The following LIMA1 variants were observed in gnomAD, a reference collection of about 807,000 sequenced individuals.
LIMA1 encodes the protein LIM domain and actin-binding protein 1.
In LIMA1, 52 loss-of-function variants were observed where a neutral mutation model predicts 62.6. The ratio of observed to expected loss-of-function variants is 0.83; its 90% CI spans 0.67 to 1.05. The LOEUF (loss-of-function observed/expected upper bound fraction) is 1.05. Among genes scored for constraint, LIMA1 ranks in the 50% least tolerant of loss-of-function variants. The probability of loss-of-function intolerance (pLI) is 0.00; values close to 1 mark genes in which losing one functional copy is unlikely to be tolerated. For synonymous variants in LIMA1, 302 were observed against 317.8 expected (o/e 0.95, Z 0.53); for missense variants, 780 against 902.2 (o/e 0.86, Z 1.74).
intron 10 of LIMA1, among the ~76,000 whole-genome samples, chr12:50,180,505 G>A (rs768699624): frequency 1.3e-5 from 2 of 152,010 alleles, no homozygotes; most frequent in African/African-American, 4.8e-5. Flanking sequence ...GTCTCTCTAT[G>A]TTACCCAGGC....
chr12:50,279,496 A>C (rs924094090), intron 1 of LIMA1, among the ~76,000 whole-genome samples: 2 of 152,148 alleles, frequency 1.3e-5, no homozygotes, highest in Non-Finnish European at 2.9e-5. Context: ...GAAGTCATGG[A>C]AAGAAATCAG....
At chr12:50,203,303 T>C (rs939793443) in intron 6 of LIMA1, among the ~76,000 whole-genome samples, 2 of 151,890 alleles carry the variant, frequency 1.3e-5, no homozygotes, top group Non-Finnish European at 2.9e-5. Flanking sequence ...TGTGAGCTCC[T>C]GCGCCTGGCT....
At chr12:50,259,717 C>A (rs1400054125) in intron 1 of LIMA1, among the ~76,000 whole-genome samples, 1 of 152,194 alleles carries the variant, frequency 6.6e-6, no homozygotes, top group Non-Finnish European at 1.5e-5. Context: ...ATCACTGCTA[C>A]TGTTCTTGGA....
Position 50,177,863 on chromosome 12 carries a change from T to A in LIMA1, c.1481A>T (p.Glu494Val). The change falls in exon 11 of 11, where the codon GAA (glutamate) becomes GTA (valine). Residue 494 changes from glutamate to valine, a missense_variant. Glu to Val is a moderately radical substitution (Grantham distance 121, BLOSUM62 -2). Transcript: ENST00000341247. ...ARETPHSPGV[E>V]DAPIAKVGVL... ...ACCCACCTTAGCAATAGGGGCATCT[T>A]CTACCCCTGGGCTGTGAGGGGTCTC... 1 of 1,613,348 alleles carries A rather than the reference T, an allele frequency of 6.2e-7. No individual in the cohort carries two copies.
At chr12:50,242,349 T>C (rs539085692) in intron 2 of LIMA1, among the ~76,000 whole-genome samples, 1 of 151,866 alleles carries the variant, frequency 6.6e-6, no homozygotes, top group African/African-American at 2.4e-5. Context: ...AAACTAAATA[T>C]GAACGCTCTT....
At chr12:50,190,765 G>A (rs1317308022) in intron 9 of LIMA1, among the ~76,000 whole-genome samples, 6 of 128,994 alleles carry the variant, frequency 4.7e-5, no homozygotes, top group African/African-American at 1.5e-4. Flanking sequence ...ACATTCTTTC[G>A]TTAAAAATGT....
intron 6 of LIMA1, chr12:50,201,246 C>A (rs1941044061): frequency 9.7e-7 from 1 of 1,034,902 alleles, no homozygotes; most frequent in Non-Finnish European, 1.2e-6. Context: ...TCAGAAAAGA[C>A]CATTCTGGAG....
chr12:50,204,749 T>C lies in LIMA1; in HGVS notation c.716-49A>G, dbSNP rs1286560765. ...TTTATTTTATTTCTGAGATGGGGTC[T>C]CACTCTATCACCCAGGCTGAAGTGC... is the stretch of plus-strand genomic sequence containing the variant. On this transcript the variant is annotated intron_variant, in intron 5 of 10. Transcript: ENST00000341247. 3 of 1,573,998 alleles carry C rather than the reference T, an allele frequency of 1.9e-6. No individual in the cohort carries two copies. The Admixed American group carries it at 5.0e-5, about 26-fold the overall frequency.
chr12:50,223,309 C>T (rs752490285), intron 3 of LIMA1, among the ~76,000 whole-genome samples: 4 of 151,690 alleles, frequency 2.6e-5, no homozygotes, highest in Non-Finnish European at 5.9e-5. Context: ...ATGGAGAAAC[C>T]CTGTCTCTAA....
At chr12:50,201,518 T>C (rs1941050390) in intron 6 of LIMA1, 3 of 984,406 alleles carry the variant, frequency 3.0e-6, no homozygotes, top group Non-Finnish European at 3.6e-6. Flanking sequence ...CATTTTATTG[T>C]CATAAGGAAT....
chr12:50,177,577 G>C lies in LIMA1; in HGVS notation c.1767C>G (p.Arg589=), dbSNP rs749679966. ...GAAATGAAGCTGCTACAGTGAATGGGCGGCTTCTTTCCTTCAGTGAAGAAG... is the reference window on the plus strand; with the variant it reads ...GAAATGAAGCTGCTACAGTGAATGGCCGGCTTCTTTCCTTCAGTGAAGAAG... The part of the protein sequence containing the change: ...RRSSSLKERS[R]PFTVAASFQS... Residue 589 remains arginine (R), a synonymous_variant, in exon 11 of 11, where the codon CGC becomes CGG. Transcript: ENST00000341247. 9.9e-6 allele frequency: 16 copies of C among 1,611,722 alleles called. No individual in the cohort carries two copies. The highest frequency in any genetic ancestry group is 1.2e-5 in the Non-Finnish European group (14 of 1,179,098).
chr12:50,178,224 C>A (rs1339269330), intron 10 of LIMA1, among the ~76,000 whole-genome samples, 155 bp from the exon 11 acceptor site: 1 of 152,140 alleles, frequency 6.6e-6, no homozygotes, highest in African/African-American at 2.4e-5. Context: ...TCCTTACCCC[C>A]ATTTTAGCAC....
chr12:50,242,288 G>C (rs191883177), intron 2 of LIMA1, among the ~76,000 whole-genome samples: 49 of 151,774 alleles, frequency 3.2e-4, no homozygotes, highest in African/African-American at 9.9e-4. Context: ...AAGTTAACCA[G>C]GCTGACTTGA....
At chr12:50,221,782 A>G (rs1941446310) in intron 4 of LIMA1, among the ~76,000 whole-genome samples, 1 of 152,228 alleles carries the variant, frequency 6.6e-6, no homozygotes, top group African/African-American at 2.4e-5. Context: ...AACTCTCTTC[A>G]TTTCTAGATA....
At chr12:50,278,709 A>G (rs1942302936) in intron 1 of LIMA1, among the ~76,000 whole-genome samples, 1 of 152,212 alleles carries the variant, frequency 6.6e-6, no homozygotes, top group South Asian at 2.1e-4. Context: ...CAACCTCAAT[A>G]TAATAAATTA....
chr12:50,248,672 T>C lies in LIMA1; in HGVS notation c.80A>G (p.Asn27Ser). The C allele has an allele frequency of 6.2e-7, 1 of 1,613,688 alleles. No individual in the cohort carries two copies. The highest frequency in any genetic ancestry group is 8.5e-7 in the Non-Finnish European group (1 of 1,179,532). The change falls in exon 2 of 11, where the codon AAC (asparagine) becomes AGC (serine). Residue 27 changes from asparagine to serine, a missense_variant. Coordinates refer to ENST00000341247, the MANE Select transcript of LIMA1 (RefSeq NM_016357.5). ...CACAATAGCCGATGACTTGTTCTTG[T>C]TGACAAGAGAAAGTTCTTTGGCTGT... is the stretch of plus-strand genomic sequence containing the variant. Reference protein sequence around the residue: ...RVTAKELSLVNKNKSSAIVEI... With the variant: ...RVTAKELSLVSKNKSSAIVEI...
In LIMA1 at chr12:50,217,425, G is replaced by A. The variant is rs367800096; in HGVS notation, c.630+4596C>T. On this transcript the variant is annotated intron_variant, in intron 4 of 10. Coordinates refer to ENST00000341247, the MANE Select transcript of LIMA1 (RefSeq NM_016357.5). ...CTAAATAGCAAAAGCCAGAGGCTTA[G>A]ACTGGATCCCTCATAATTGGAGACT... 2.6e-5 allele frequency among the ~76,000 whole-genome samples: 4 copies of A among 151,788 alleles called. No individual in the cohort carries two copies. The East Asian group carries it at 5.8e-4, about 22-fold the overall frequency.
chr12:50,263,896 AAAGT>A lies in LIMA1; in HGVS notation c.-23-15126_-23-15123del, dbSNP rs1235732793. Among the ~76,000 whole-genome samples the A allele has an allele frequency of 3.0e-4, 28 of 92,070 alleles. No individual in the cohort carries two copies. The South Asian group carries it at 9.0e-3, about 30-fold the overall frequency. The allele number at this position is 92,070 out of a possible 152,430, so 60.4% of individuals were successfully genotyped here. The stretch of plus-strand genomic sequence containing the variant: ...ATATATAAAGTATATATATATATAT[AAAGT>A]ATGTATATATATATATATACTCAAG... On this transcript the variant is annotated intron_variant, in intron 1 of 10. Transcript: ENST00000341247.
intron 1 of LIMA1, among the ~76,000 whole-genome samples, chr12:50,268,293 A>G (rs1478048433): frequency 6.6e-6 from 1 of 152,150 alleles, no homozygotes; most frequent in Non-Finnish European, 1.5e-5. Flanking sequence ...TTGAGAGAGG[A>G]TCACTGCTGC....
Sources: gnomAD v4.1 joint callset for allele counts (sites outside exome capture counted in the v4.1 genomes callset) on GRCh38, gnomAD v4.1.1 for gene constraint, MANE v1.5 for transcripts, NCBI Gene and HGNC (gene_info 2026-07-23, HGNC 2026-07-21) for gene names.